WNK1: variants seen among roughly 807,000 people sequenced by gnomAD.
WNK1 encodes the protein serine/threonine-protein kinase WNK1.
Under a neutral mutation model 222.8 loss-of-function variants are expected in WNK1, and 38 were observed. The ratio of observed to expected loss-of-function variants is 0.17; its 90% CI spans 0.13 to 0.22. The LOEUF (loss-of-function observed/expected upper bound fraction) is 0.22. Among genes scored for constraint, WNK1 ranks in the 10% least tolerant of loss-of-function variants. WNK1 has a pLI of 1.00. For synonymous variants in WNK1, 1,090 were observed against 1,092.9 expected, an observed-to-expected ratio of 1.00 and a Z score of 0.05; for missense variants, 2,348 against 2,918.4, an observed-to-expected ratio of 0.80 and a Z score of 4.50.
At position 753,616 on chromosome 12, in the gene WNK1, C is replaced by A. The variant is rs1288128502; in HGVS notation, c.51C>A (p.Phe17Leu). The part of the protein sequence containing the change: ...EKQSSTPGSL[F>L]LSPPAPAPKN... ...AGAGCAGCACTCCCGGTTCCCTGTT[C>A]CTCTCGCCGCCGGCTCCTGCCCCCA... is the stretch of plus-strand genomic sequence containing the variant. The change falls in exon 1 of 28, where the codon TTC (phenylalanine) becomes TTA (leucine). Residue 17 changes from phenylalanine (F) to leucine (L), a missense_variant. Physicochemically the swap from Phe to Leu is conservative, Grantham distance 22. Transcript: ENST00000315939. The surrounding 1 kb of genome is among the most constrained non-coding windows in gnomAD (Gnocchi z 5.2). 1.2e-6 allele frequency: 2 copies of A among 1,612,808 alleles called. No individual in the cohort carries two copies. The highest frequency in any genetic ancestry group is 8.5e-7 in the Non-Finnish European group (1 of 1,179,924).
intron 4 of WNK1, among the ~76,000 whole-genome samples, chr12:853,302 G>A (rs1239504454): frequency 6.6e-6 from 1 of 152,194 alleles, no homozygotes; most frequent in Non-Finnish European, 1.5e-5. Context: ...TGCGCAGTGA[G>A]TATTCCTATT....
chr12:908,034 G>A lies in WNK1; in HGVS notation c.6831G>A (p.Glu2277=). 1 of 1,613,954 alleles carries A rather than the reference G, an allele frequency of 6.2e-7. No individual in the cohort carries two copies. Among genetic ancestry groups the A allele is most frequent in the Non-Finnish European group, 8.5e-7 (1 of 1,180,006 alleles). The change falls in exon 27 of 28, where the codon GAG becomes GAA. Residue 2277 remains glutamate, a splice_region_variant and synonymous_variant. Coordinates refer to ENST00000315939, the MANE Select transcript of WNK1 (RefSeq NM_018979.4). The part of the protein sequence containing the change: ...RRGSKGHMNY[E]GPGMARKFSA... The stretch of plus-strand genomic sequence containing the variant: ...GAAGCAAAGGGCACATGAATTACGA[G>A]GTAAGTCTCTCTTTTGCCGCAGAGA...
chr12:895,990 TTTTTTTCC>T (rs1954705415), intron 23 of WNK1, 73 bp from the exon 24 acceptor site: 1 of 1,581,538 alleles, frequency 6.3e-7, no homozygotes, highest in Non-Finnish European at 8.7e-7. Context: ...AAAGTGATTC[TTTTTTTCC>T]TTTTTTAAAT....
chr12:909,831 AAAGT>A lies in WNK1; in HGVS notation c.*1041_*1044del, dbSNP rs1955963775. 6.6e-6 allele frequency: 1 copy of A among 152,212 alleles called. No individual in the cohort carries two copies. Among genetic ancestry groups the A allele is most frequent in the Non-Finnish European group, 1.5e-5 (1 of 68,052 alleles). 9.4% of individuals were successfully genotyped at this position (152,212 alleles called of 1,614,324 possible). A position where few individuals can be genotyped will look rare whatever the true frequency, so the allele number is the denominator to read the frequency against. Reference sequence around the variant, plus strand: ...GTGGTTATGCCAAAGGGAAATTGAAAAAGTATTTTTTTAAGTCATTCAACAACTT... The same window carrying A: ...GTGGTTATGCCAAAGGGAAATTGAAAATTTTTTTAAGTCATTCAACAACTT... On this transcript the variant is annotated 3_prime_UTR_variant, in exon 28 of 28. Coordinates refer to ENST00000315939, the MANE Select transcript of WNK1 (RefSeq NM_018979.4).
chr12:850,780 C>A (rs1323869961), intron 4 of WNK1, among the ~76,000 whole-genome samples: 2 of 152,306 alleles, frequency 1.3e-5, no homozygotes, highest in Non-Finnish European at 2.9e-5. Context: ...TTTCAGCTTT[C>A]TACATATGGC....
chr12:845,711 C>T (rs1949979746), intron 4 of WNK1, among the ~76,000 whole-genome samples: 1 of 152,134 alleles, frequency 6.6e-6, no homozygotes, highest in South Asian at 2.1e-4. Context: ...TAATAGGTAT[C>T]ACCATTATCA....
chr12:896,868 C>A (rs991364930), intron 24 of WNK1, 136 bp downstream of exon 24: 1 of 755,858 alleles, frequency 1.3e-6, no homozygotes, highest in Non-Finnish European at 2.1e-6. Context: ...CACAGAAGCC[C>A]CACCCCATAC....
intron 6 of WNK1, among the ~76,000 whole-genome samples, chr12:859,949 C>G (rs1020404700): frequency 6.6e-6 from 1 of 152,084 alleles, no homozygotes; most frequent in Non-Finnish European, 1.5e-5. Context: ...CTCCTTATGT[C>G]AAGTGATCAT....
chr12:782,101 G>A (rs1424331612), intron 1 of WNK1, among the ~76,000 whole-genome samples: 2 of 152,156 alleles, frequency 1.3e-5, no homozygotes, highest in Non-Finnish European at 2.9e-5. Flanking sequence ...TAACATTTGA[G>A]TTTGAAGTTT....
intron 9 of WNK1, among the ~76,000 whole-genome samples, chr12:872,652 G>A (rs1030146291): frequency 4.6e-5 from 7 of 152,208 alleles, no homozygotes; most frequent in African/African-American, 1.7e-4. Flanking sequence ...CATAAAATTT[G>A]TAGCCACTAT....
chr12:803,988 G>A (rs1037230740), intron 1 of WNK1, among the ~76,000 whole-genome samples: 7 of 152,156 alleles, frequency 4.6e-5, no homozygotes, highest in Non-Finnish European at 1.0e-4. Flanking sequence ...CAAGAGATTA[G>A]TATTGAATTA....
intron 1 of WNK1, among the ~76,000 whole-genome samples, chr12:784,754 G>T (rs1294057804): frequency 6.6e-6 from 1 of 152,118 alleles, no homozygotes; most frequent in Non-Finnish European, 1.5e-5. Context: ...CATTTGTACT[G>T]GTTGCATTCT....
intron 1 of WNK1, among the ~76,000 whole-genome samples, chr12:756,156 T>C (rs1372709649): frequency 6.6e-6 from 1 of 152,260 alleles, no homozygotes; most frequent in Non-Finnish European, 1.5e-5. Context: ...ACAATTTTGT[T>C]TTCCTTAACC....
chr12:881,844 G>T, intron 13 of WNK1, 55 bp downstream of exon 13: 5 of 1,613,320 alleles, frequency 3.1e-6, no homozygotes, highest in Non-Finnish European at 4.2e-6. Flanking sequence ...GGTATGAAAC[G>T]CCAAACTGTC....
chr12:828,812 C>G (rs989088118), intron 3 of WNK1, among the ~76,000 whole-genome samples: 3 of 152,206 alleles, frequency 2.0e-5, no homozygotes, highest in Non-Finnish European at 4.4e-5. Flanking sequence ...CATAAACATT[C>G]TATTTACTCC....
intron 4 of WNK1, among the ~76,000 whole-genome samples, chr12:831,315 A>T (rs369721734): frequency 6.6e-6 from 1 of 152,210 alleles, no homozygotes; most frequent in Non-Finnish European, 1.5e-5. Context: ...AGGCAGGTGG[A>T]TCCCTTGAGG....
chr12:770,506 A>C (rs963255296), intron 1 of WNK1, among the ~76,000 whole-genome samples: 1 of 152,232 alleles, frequency 6.6e-6, no homozygotes, highest in Admixed American at 6.5e-5. Context: ...CTACTAGAAA[A>C]TTAAATTTCA....
At chr12:766,084 G>A (rs1391094662) in intron 1 of WNK1, among the ~76,000 whole-genome samples, 1 of 152,052 alleles carries the variant, frequency 6.6e-6, no homozygotes, top group Non-Finnish European at 1.5e-5. Flanking sequence ...AGAAAGTAGA[G>A]ACAATAAGTG....
At chr12:829,929 T>A in intron 3 of WNK1, 74 bp from the exon 4 acceptor site, 1 of 1,547,848 alleles carries the variant, frequency 6.5e-7, no homozygotes. Context: ...GGTCAACCCC[T>A]CTGCTTCTCA....
Sources: gnomAD v4.1 joint callset for allele counts (sites outside exome capture counted in the v4.1 genomes callset) on GRCh38, gnomAD v4.1.1 for gene constraint, Gnocchi (gnomAD v3.1) non-coding constraint, MANE v1.5 for transcripts, NCBI Gene and HGNC (gene_info 2026-07-23, HGNC 2026-07-21) for gene names.